RPL36: variants seen among roughly 807,000 people sequenced by gnomAD.
The protein encoded by RPL36 is large ribosomal subunit protein eL36.
For synonymous variants in RPL36, 74 were observed against 56.0 expected, an observed-to-expected ratio of 1.32 and a Z score of -1.44; for missense variants, 131 against 144.9, an observed-to-expected ratio of 0.90 and a Z score of 0.49.
rs537110594 is a variant in RPL36, at chr19:5,691,524, C to A, written c.229-8C>A. 27 of 1,608,468 alleles carry A rather than the reference C, an allele frequency of 1.7e-5. 1 individual carries two copies. The East Asian group carries it at 5.6e-4, about 33-fold the overall frequency. Reference sequence around the variant, plus strand: ...GGGCCGGGCTGACGGCGGCCTCGTCCCTGGCAGGTGGGGACGCACATCCGC... The same window carrying A: ...GGGCCGGGCTGACGGCGGCCTCGTCACTGGCAGGTGGGGACGCACATCCGC... On this transcript the variant is annotated splice_region_variant and splice_polypyrimidine_tract_variant and intron_variant, in intron 3 of 3. Transcript: ENST00000347512.
chr19:5,690,420 G>T (rs2054801291), intron 1 of RPL36, 86 bp from the exon 2 acceptor site: 4 of 1,054,614 alleles, frequency 3.8e-6, no homozygotes, highest in Non-Finnish European at 5.7e-6. Flanking sequence ...GGCGAGCGAG[G>T]CTGAAGGAGC....
At chr19:5,690,684 AG>A (rs1172734994) in intron 2 of RPL36, 84 bp downstream of exon 2, 84 of 1,140,776 alleles carry the variant, frequency 7.4e-5, no homozygotes, top group Middle Eastern at 3.8e-4. Flanking sequence ...TCGACCTGAA[AG>A]AACGCGCGTT....
Sources: allele counts gnomAD v4.1 joint callset, GRCh38; gene constraint gnomAD v4.1.1; transcripts MANE v1.5; gene names NCBI Gene and HGNC (gene_info 2026-07-23, HGNC 2026-07-21).